Variants in SMU1 observed in about 807,000 individuals in gnomAD.
The protein encoded by SMU1 is SMU1 DNA replication regulator and spliceosomal factor, also known as WD40 repeat-containing protein SMU1.
A neutral mutation model predicts 62.0 loss-of-function variants in SMU1; 2 were observed. The observed-to-expected ratio is 0.03, with a 90% CI of 0.01 to 0.10. The LOEUF is 0.10. Among genes scored for constraint, SMU1 ranks in the 10% least tolerant of loss-of-function variants. The probability of loss-of-function intolerance (pLI) is 1.00; values close to 1 mark genes in which losing one functional copy is unlikely to be tolerated. For missense variants in SMU1, 227 were observed against 622.1 expected (o/e 0.36, Z 6.76); for synonymous variants, 188 against 212.4 (o/e 0.89, Z 1.00).
At chr9:33,068,690 A>G in intron 4 of SMU1, 134 bp downstream of exon 4, 1 of 1,014,500 alleles carries the variant, frequency 9.9e-7, no homozygotes, top group Non-Finnish European at 1.4e-6. Flanking sequence ...CTTTTTGTAG[A>G]GACAGAGTCT....
rs1204879075 is a variant in SMU1 at position 33,041,798 on chromosome 9, CTGTTTGATACATGGA to C, written c.*5480_*5494del. 6.6e-6 allele frequency: 1 copy of C among 152,070 alleles called. No homozygotes were observed. The highest frequency in any genetic ancestry group is 2.4e-5 in the African/African-American group (1 of 41,376). The allele number at this position is 152,070 out of a possible 1,614,324, so 9.4% of individuals were successfully genotyped here. Reference sequence around the variant, plus strand: ...CTTCCCCCAAATATGAAGCACTTTACTGTTTGATACATGGATGAACCTTTAAAACATGCTAAATGA... The same window carrying C: ...CTTCCCCCAAATATGAAGCACTTTACTGAACCTTTAAAACATGCTAAATGA... On this transcript the variant is annotated 3_prime_UTR_variant, in exon 12 of 12. Transcript: ENST00000397149.
chr9:33,068,386 G>A (rs927405665), intron 4 of SMU1, among the ~76,000 whole-genome samples: 1 of 152,174 alleles, frequency 6.6e-6, no homozygotes, highest in African/African-American at 2.4e-5. Flanking sequence ...GAGTGGAACA[G>A]CACAGTTACT....
chr9:33,070,318 A>G (rs977490777), intron 3 of SMU1, among the ~76,000 whole-genome samples: 2 of 152,248 alleles, frequency 1.3e-5, no homozygotes, highest in African/African-American at 4.8e-5. Flanking sequence ...AATGCAAATC[A>G]AACTACAATG....
chr9:33,071,309 G>A (rs1839483462), intron 3 of SMU1, among the ~76,000 whole-genome samples: 1 of 152,094 alleles, frequency 6.6e-6, no homozygotes, highest in African/African-American at 2.4e-5. Context: ...CTATCATCAT[G>A]CTCTACTGGT....
chr9:33,053,430 C>G (rs914437468), intron 9 of SMU1, 140 bp from the exon 10 acceptor site: 2 of 802,942 alleles, frequency 2.5e-6, no homozygotes, highest in South Asian at 3.6e-5. Context: ...ATTTTAGGTC[C>G]AATCAAATAC....
chr9:33,064,574 T>A (rs1325437885), intron 4 of SMU1, among the ~76,000 whole-genome samples: 1 of 152,162 alleles, frequency 6.6e-6, no homozygotes, highest in African/African-American at 2.4e-5. Flanking sequence ...TTATTATAAA[T>A]AACAGAATTG....
chr9:33,044,561 G>A lies in SMU1; in HGVS notation c.*2732C>T, dbSNP rs1397309052. The stretch of plus-strand genomic sequence containing the variant: ...GGCTGCCCCAGCCTTCAATGCTGGA[G>A]GGACGGCCGCGTGGGGCTTCAGAAA... On this transcript the variant is annotated 3_prime_UTR_variant, in exon 12 of 12. Coordinates refer to ENST00000397149, the MANE Select transcript of SMU1 (RefSeq NM_018225.3). The A allele has an allele frequency of 6.6e-6, 1 of 152,302 alleles. No individual in the cohort carries two copies. The highest frequency in any genetic ancestry group is 1.5e-5 in the Non-Finnish European group (1 of 68,096). 9.4% of individuals were successfully genotyped at this position (152,302 alleles called of 1,614,324 possible).
chr9:33,051,063 G>C (rs1839241719), intron 10 of SMU1, among the ~76,000 whole-genome samples: 1 of 117,184 alleles, frequency 8.5e-6, no homozygotes, highest in Admixed American at 8.6e-5. Context: ...GGAGCTTGCA[G>C]TGAGCCGAGA....
At position 33,062,185 on chromosome 9, in the gene SMU1, GAAAA is replaced by G; in HGVS notation, c.502-12_502-9del. ...CTGCTGCCACTTCAGTGCCTATGAG[GAAAA>G]AAAAAAATATAGCAATCTGTTCAGG... On this transcript the variant is annotated splice_polypyrimidine_tract_variant and intron_variant, in intron 4 of 11. Coordinates refer to ENST00000397149, the MANE Select transcript of SMU1 (RefSeq NM_018225.3). 7.5e-7 allele frequency: 1 copy of G among 1,332,136 alleles called. No homozygotes were observed. Among genetic ancestry groups the G allele is most frequent in the Non-Finnish European group, 1.0e-6 (1 of 979,240 alleles). 82.5% of individuals were successfully genotyped at this position (1,332,136 alleles called of 1,614,324 possible). A position where few individuals can be genotyped will look rare whatever the true frequency, so the allele number is the denominator to read the frequency against.
intron 4 of SMU1, among the ~76,000 whole-genome samples, chr9:33,063,099 C>T (rs551043784): frequency 7.8e-4 from 119 of 152,302 alleles, no homozygotes; most frequent in African/African-American, 2.7e-3. Context: ...TGGTGGCTCA[C>T]GCCTGTAATT....
Position 33,057,678 on chromosome 9 carries a change from T to A in SMU1, c.787A>T (p.Met263Leu). 2 of 1,613,896 alleles carry A rather than the reference T, an allele frequency of 1.2e-6. No homozygotes were observed. The highest frequency in any genetic ancestry group is 1.7e-6 in the Non-Finnish European group (2 of 1,179,930). The change falls in exon 7 of 12, where the codon ATG (methionine) becomes TTG (leucine). Residue 263 changes from methionine (M) to leucine (L), a missense_variant. Met to Leu is a conservative substitution (Grantham distance 15). Coordinates refer to ENST00000397149, the MANE Select transcript of SMU1 (RefSeq NM_018225.3). ...CACATGCAGAGGACAGCATCATCCA[T>A]CATCATAAAGTTATCTTGGGCCTGG... is the stretch of plus-strand genomic sequence containing the variant. The part of the protein sequence containing the change: ...KYQAQDNFMM[M>L]DDAVLCMCFS...
Position 33,060,571 on chromosome 9 carries a change from G to T in SMU1, c.644C>A (p.Ser215Ter). ...LSRHIKFGQK[S>*]HVECARFSPD... ...AGAAAATCGAGCACACTCCACATGT[G>T]ATTTCTGACCAAACTGTTTCAAATG... is the stretch of plus-strand genomic sequence containing the variant. Residue 215 changes from serine (S) to a stop codon, truncating the protein, a stop_gained, in exon 6 of 12, where the codon TCA becomes TAA. Coordinates refer to ENST00000397149, the MANE Select transcript of SMU1 (RefSeq NM_018225.3). LOFTEE classifies it high-confidence loss of function. 1 of 1,610,130 alleles carries T rather than the reference G, an allele frequency of 6.2e-7. No individual in the cohort carries two copies. The highest frequency in any genetic ancestry group is 1.1e-5 in the South Asian group (1 of 90,080).
At chr9:33,069,962 C>T (rs1049719804) in intron 3 of SMU1, among the ~76,000 whole-genome samples, 2 of 152,114 alleles carry the variant, frequency 1.3e-5, no homozygotes, top group Non-Finnish European at 2.9e-5. Context: ...CCCATCTCTA[C>T]TGAAAACTCA....
chr9:33,049,467 T>C (rs917859761), intron 10 of SMU1, among the ~76,000 whole-genome samples: 4 of 152,172 alleles, frequency 2.6e-5, no homozygotes, highest in African/African-American at 9.7e-5. Flanking sequence ...CAGACCTAAA[T>C]GTAAAACTCA....
At chr9:33,062,274 G>C (rs917255535) in intron 4 of SMU1, 97 bp from the exon 5 acceptor site, 3 of 1,483,954 alleles carry the variant, frequency 2.0e-6, no homozygotes, top group Non-Finnish European at 2.7e-6. Flanking sequence ...GAGGTTCAGA[G>C]AAAGCTGTGA....
intron 4 of SMU1, 124 bp from the exon 5 acceptor site, chr9:33,062,301 C>T: frequency 7.8e-7 from 1 of 1,281,768 alleles, no homozygotes; most frequent in Middle Eastern, 2.0e-4. Flanking sequence ...TAAACCCCAA[C>T]TATTTTTGGC....
chr9:33,053,409 T>C (rs1243380550), intron 9 of SMU1, 119 bp from the exon 10 acceptor site: 3 of 1,059,808 alleles, frequency 2.8e-6, no homozygotes, highest in South Asian at 3.1e-5. Flanking sequence ...GGGAAAAAAG[T>C]TTCTTACTTG....
chr9:33,060,000 T>G (rs1839345235), intron 6 of SMU1, among the ~76,000 whole-genome samples: 1 of 152,080 alleles, frequency 6.6e-6, no homozygotes. Flanking sequence ...AAATTGGAAT[T>G]TAATTAAACA....
Position 33,058,913 on chromosome 9 carries a change from G to A in SMU1, c.751-1199C>T, listed in dbSNP as rs181809173. ...AAACTTCATTTCCTTAAAATATAAA[G>A]AGCTCCTACAAATCAATAAAGAACA... On this transcript the variant is annotated intron_variant, in intron 6 of 11. Coordinates refer to ENST00000397149, the MANE Select transcript of SMU1 (RefSeq NM_018225.3). Among the ~76,000 whole-genome samples, 127 of 151,970 alleles carry A rather than the reference G, an allele frequency of 8.4e-4. 1 individual carries two copies. Among genetic ancestry groups the A allele is most frequent in the Admixed American group, 3.8e-3 (58 of 15,270 alleles).
Sources: gnomAD v4.1 joint callset for allele counts (sites outside exome capture counted in the v4.1 genomes callset) on GRCh38, gnomAD v4.1.1 for gene constraint, MANE v1.5 for transcripts, NCBI Gene and HGNC (gene_info 2026-07-23, HGNC 2026-07-21) for gene names.